The following WDR3 variants were observed in gnomAD, a reference collection of about 807,000 sequenced individuals.
The protein encoded by WDR3 is WD repeat domain 3, also known as WD repeat-containing protein 3.
WDR3 carries 81 observed loss-of-function variants against 123.7 expected under a neutral mutation model. That is an observed-to-expected ratio of 0.65 (90% CI 0.55 to 0.79). WDR3 has a LOEUF of 0.79. Among genes scored for constraint, WDR3 ranks in the 30% least tolerant of loss-of-function variants. The probability of loss-of-function intolerance (pLI) is 0.00; values close to 1 mark genes in which losing one functional copy is unlikely to be tolerated. For missense variants in WDR3, 1,027 were observed against 1,123.2 expected (o/e 0.91, Z 1.22); for synonymous variants, 390 against 388.8 (o/e 1.00, Z -0.04).
Position 117,948,438 on chromosome 1 carries a change from G to T in WDR3, c.1456G>T (p.Gly486Trp). 6.2e-7 allele frequency: 1 copy of T among 1,614,044 alleles called. No homozygotes were observed. Among genetic ancestry groups the T allele is most frequent in the Non-Finnish European group, 8.5e-7 (1 of 1,179,956 alleles). Residue 486 changes from glycine (G) to tryptophan (W), a missense_variant, in exon 13 of 27, where the codon GGG becomes TGG. Transcript: ENST00000349139. ...GCTGCAGCTTTATGACTTGGCTTCA[G>T]GGAATCTGCTGGAGACAATAGATGC... ...GKLQLYDLAS[G>W]NLLETIDAHD...
chr1:117,930,302 G>C (rs762450409), intron 1 of WDR3, among the ~76,000 whole-genome samples: 2 of 152,184 alleles, frequency 1.3e-5, no homozygotes, highest in Non-Finnish European at 2.9e-5. Flanking sequence ...TTTAAATATC[G>C]AGGCGATGAA....
intron 16 of WDR3, 57 bp downstream of exon 16, chr1:117,950,947 T>C: frequency 4.2e-6 from 6 of 1,418,888 alleles, no homozygotes; most frequent in Non-Finnish European, 4.9e-6. Flanking sequence ...GCAGATACTT[T>C]CTTAATTCTG....
intron 6 of WDR3, 111 bp downstream of exon 6, chr1:117,939,683 A>G (rs1385323241): frequency 4.8e-6 from 5 of 1,039,598 alleles, no homozygotes; most frequent in Admixed American, 4.2e-5. Context: ...AAGGAATTCT[A>G]TCACACCAAT....
intron 10 of WDR3, 102 bp downstream of exon 10, chr1:117,942,646 T>A: frequency 9.9e-7 from 1 of 1,010,722 alleles, no homozygotes; most frequent in Non-Finnish European, 1.5e-6. Context: ...ATTATATATG[T>A]GGAGACGGTG....
chr1:117,950,655 T>C (rs1651576614), intron 15 of WDR3, among the ~76,000 whole-genome samples, 179 bp from the exon 16 acceptor site: 1 of 152,144 alleles, frequency 6.6e-6, no homozygotes, highest in Non-Finnish European at 1.5e-5. Context: ...GGCAAGCACA[T>C]GGAGGGTCTG....
rs549353915 is a variant in WDR3 at position 117,954,689 on chromosome 1, A to G, written c.2409+62A>G. On this transcript the variant is annotated intron_variant, in intron 23 of 26. Transcript: ENST00000349139. ...AAAAGGTTACTTACAAGGACAAGAA[A>G]GGAAGTAGAGGCATTATGATTTGGG... 89 of 1,502,670 alleles carry G rather than the reference A, an allele frequency of 5.9e-5. No individual in the cohort carries two copies. In the South Asian group the frequency reaches 9.8e-4, roughly 17 times the overall value. 93.1% of individuals were successfully genotyped at this position (1,502,670 alleles called of 1,614,324 possible).
chr1:117,954,190 G>T (rs1651827337), intron 22 of WDR3, 91 bp downstream of exon 22: 1 of 1,062,944 alleles, frequency 9.4e-7, no homozygotes, highest in Admixed American at 2.3e-5. Flanking sequence ...CTAAGATCAG[G>T]ATATGCAATA....
intron 24 of WDR3, among the ~76,000 whole-genome samples, chr1:117,955,682 A>G (rs541220739): frequency 5.9e-5 from 9 of 152,154 alleles, no homozygotes; most frequent in African/African-American, 1.9e-4. Context: ...ATGTACATAC[A>G]CAATTGGAAT....
rs1237546340 is a variant in WDR3 at position 117,942,727 on chromosome 1, G to T, written c.1097+183G>T. Among the ~76,000 whole-genome samples the T allele has an allele frequency of 3.3e-5, 5 of 151,970 alleles. No homozygotes were observed. The East Asian group carries it at 9.7e-4, about 29-fold the overall frequency. On this transcript the variant is annotated intron_variant, in intron 10 of 26. Transcript: ENST00000349139. ...TGGGCCCACTTTTTGTCTTGTATTT[G>T]GATTATTATAGTACCCTTTTTAGCT...
chr1:117,934,051 T>G (rs1650831127), intron 2 of WDR3, among the ~76,000 whole-genome samples: 1 of 152,136 alleles, frequency 6.6e-6, no homozygotes, highest in African/African-American at 2.4e-5. Context: ...CCACCAAGAG[T>G]CCTTTGTGGT....
chr1:117,964,449 T>C lies in WDR3; in HGVS notation c.*5002T>C, dbSNP rs1057395637. On this transcript the variant is annotated 3_prime_UTR_variant, in exon 27 of 27. Transcript: ENST00000349139. ...ACTCAGGTATTTGCATCTAATAACC[T>C]GTGTGGAGAGGGTAAGGGCACTTGA... is the stretch of plus-strand genomic sequence containing the variant. 3 of 152,330 alleles carry C rather than the reference T, an allele frequency of 2.0e-5. No individual in the cohort carries two copies. Among genetic ancestry groups the C allele is most frequent in the African/African-American group, 7.2e-5 (3 of 41,428 alleles). 9.4% of individuals were successfully genotyped at this position (152,330 alleles called of 1,614,324 possible). A position where few individuals can be genotyped will look rare whatever the true frequency, so the allele number is the denominator to read the frequency against.
chr1:117,933,232 A>G, intron 1 of WDR3, 56 bp from the exon 2 acceptor site: 8 of 1,467,712 alleles, frequency 5.5e-6, no homozygotes, highest in Non-Finnish European at 7.4e-6. Flanking sequence ...GGTGTTTACT[A>G]ACCTAGTAGA....
chr1:117,944,759 T>C (rs1651309753), intron 11 of WDR3, among the ~76,000 whole-genome samples: 1 of 152,198 alleles, frequency 6.6e-6, no homozygotes, highest in Non-Finnish European at 1.5e-5. Flanking sequence ...TGGAGTGCAT[T>C]GATGTGATCT....
At chr1:117,940,331 C>T (rs1450320556) in intron 6 of WDR3, among the ~76,000 whole-genome samples, 1 of 152,076 alleles carries the variant, frequency 6.6e-6, no homozygotes, top group Non-Finnish European at 1.5e-5. Flanking sequence ...TTAATAAGTT[C>T]TGATACCTGC....
chr1:117,963,892 G>C lies in WDR3; in HGVS notation c.*4445G>C, dbSNP rs143766033. On this transcript the variant is annotated 3_prime_UTR_variant, in exon 27 of 27. Transcript: ENST00000349139. ...GGACCATTGGATTTTCTTTTCCCTG[G>C]GGAAAGTCTTTTGGTCGTTTATCAT... is the stretch of plus-strand genomic sequence containing the variant. 6.2e-7 allele frequency: 1 copy of C among 1,613,734 alleles called. No individual in the cohort carries two copies. Among genetic ancestry groups the C allele is most frequent in the African/African-American group, 1.3e-5 (1 of 74,898 alleles).
intron 2 of WDR3, among the ~76,000 whole-genome samples, chr1:117,934,233 A>C (rs1172340026): frequency 6.6e-6 from 1 of 152,256 alleles, no homozygotes; most frequent in Admixed American, 6.5e-5. Flanking sequence ...TATATGTATT[A>C]CAACAACGTA....
At chr1:117,949,863 T>C (rs1357093238) in intron 14 of WDR3, 27 bp downstream of exon 14, 1 of 1,613,100 alleles carries the variant, frequency 6.2e-7, no homozygotes, top group South Asian at 1.1e-5. Context: ...TGTGTCCATT[T>C]TTTGGAGTGA....
At position 117,948,478 on chromosome 1, in the gene WDR3, T is replaced by C. The variant is rs762493609; in HGVS notation, c.1496T>C (p.Leu499Ser). ...LETIDAHDGALWSMSLSPDQR... is the reference protein window; with the variant it reads ...LETIDAHDGASWSMSLSPDQR... ...ACAATAGATGCACATGATGGAGCTTTGTGGTCCATGTCCCTCTCTCCAGAT... is the reference window on the plus strand; with the variant it reads ...ACAATAGATGCACATGATGGAGCTTCGTGGTCCATGTCCCTCTCTCCAGAT... Residue 499 changes from leucine to serine, a missense_variant, in exon 13 of 27, where the codon TTG (leucine) becomes TCG (serine). Leu to Ser is a moderately radical substitution (Grantham distance 145). Transcript: ENST00000349139. 2 of 1,613,988 alleles carry C rather than the reference T, an allele frequency of 1.2e-6. No individual in the cohort carries two copies. The highest frequency in any genetic ancestry group is 2.2e-5 in the South Asian group (2 of 91,056).
rs1016921247 is a variant in WDR3 at position 117,954,038 on chromosome 1, A to C, written c.2300A>C (p.Tyr767Ser). 17 of 1,612,396 alleles carry C rather than the reference A, an allele frequency of 1.1e-5. No individual in the cohort carries two copies. Among genetic ancestry groups the C allele is most frequent in the Non-Finnish European group, 1.4e-5 (16 of 1,178,896 alleles). The change falls in exon 22 of 27, where the codon TAC becomes TCC. Residue 767 changes from tyrosine (Y) to serine (S), a missense_variant. Transcript: ENST00000349139. ...AGGATTATGGAGGCTATTGAGTTGT[A>C]CCGAGAAGAAACTGCAAAAATGAAG... is the stretch of plus-strand genomic sequence containing the variant. ...AERIMEAIEL[Y>S]REETAKMKEH... is the part of the protein sequence containing the mutation.
Sources: allele counts gnomAD v4.1 joint callset (sites outside exome capture counted in the v4.1 genomes callset), GRCh38; gene constraint gnomAD v4.1.1; transcripts MANE v1.5; gene names NCBI Gene and HGNC (gene_info 2026-07-23, HGNC 2026-07-21).